The following NFATC1 variants were observed in gnomAD, a reference collection of about 807,000 sequenced individuals.
NFATC1 encodes the protein nuclear factor of activated T cells 1.
In NFATC1, 22 loss-of-function variants were observed where a neutral mutation model predicts 76.0. That is an observed-to-expected ratio of 0.29 (90% CI 0.21 to 0.41). The LOEUF is 0.41. NFATC1 is among the 10% of genes least tolerant of loss of function. The pLI is 1.00. For synonymous variants in NFATC1, 704 were observed against 613.1 expected, an observed-to-expected ratio of 1.15 and a Z score of -2.19; for missense variants, 1,357 against 1,337.7, an observed-to-expected ratio of 1.01 and a Z score of -0.23.
intron 8 of NFATC1, chr18:79,469,753 C>A (rs979048154): frequency 1.0e-6 from 1 of 985,722 alleles, no homozygotes; most frequent in Non-Finnish European, 1.2e-6. Flanking sequence ...CTCTTCTCTC[C>A]TGGACGTAGC....
At position 79,469,663 on chromosome 18, in the gene NFATC1, T is replaced by C. The variant is rs184766132; in HGVS notation, c.2092+2081T>C. 5.3e-4 allele frequency: 520 copies of C among 985,974 alleles called. 1 individual carries two copies. In the African/African-American group the frequency reaches 8.4e-3, roughly 16 times the overall value. 61.1% of individuals were successfully genotyped at this position (985,974 alleles called of 1,614,324 possible). On this transcript the variant is annotated intron_variant, in intron 8 of 9. Coordinates refer to ENST00000427363, the MANE Select transcript of NFATC1 (RefSeq NM_001278669.2). Reference sequence around the variant, plus strand: ...CCTCCACCCCCCATCTGCTCCAGCATGGCTCAACGCAGGCCAGGTTCCCCA... The same window carrying C: ...CCTCCACCCCCCATCTGCTCCAGCACGGCTCAACGCAGGCCAGGTTCCCCA...
intron 3 of NFATC1, among the ~76,000 whole-genome samples, chr18:79,443,717 A>C (rs2144731661): frequency 6.6e-6 from 1 of 152,244 alleles, no homozygotes; most frequent in East Asian, 1.9e-4. Flanking sequence ...CATCTGTGGG[A>C]GGGCAGGTAC....
Position 79,406,993 on chromosome 18 carries a change from G to T in NFATC1, c.128-3410G>T, listed in dbSNP as rs541077414. 6.6e-5 allele frequency among the ~76,000 whole-genome samples: 10 copies of T among 152,350 alleles called. No homozygotes were observed. In the South Asian group the frequency reaches 1.7e-3, roughly 25 times the overall value. ...GTTGTCCAGCGGGTCTGATGCAGCC[G>T]GCTCAGGGGCTTTGCACGGGCCACG... On this transcript the variant is annotated intron_variant, in intron 1 of 9. Transcript: ENST00000427363.
chr18:79,471,881 T>A (rs893969187), intron 8 of NFATC1, among the ~76,000 whole-genome samples: 1 of 152,126 alleles, frequency 6.6e-6, no homozygotes, highest in Non-Finnish European at 1.5e-5. Flanking sequence ...GACTCAAACG[T>A]CACGAAGAAG....
chr18:79,527,542 C>T lies in NFATC1; in HGVS notation c.2797C>T (p.Arg933Ter), dbSNP rs372768753. The T allele has an allele frequency of 1.2e-5, 19 of 1,613,806 alleles. No homozygotes were observed. The highest frequency in any genetic ancestry group is 2.2e-5 in the East Asian group (1 of 44,882). ...TTTTCTTACAGTAAATGAAATAATA[C>T]GAAATGACCTCTCCAGCACGAGCAC... ...LYLDDVNEIIRNDLSSTSTHS is the reference protein window; with the variant it reads ...LYLDDVNEII The change falls in exon 10 of 10, where the codon CGA becomes TGA. Residue 933 changes from arginine to a stop codon, truncating the protein, a stop_gained. Transcript: ENST00000427363. LOFTEE classifies it high-confidence loss of function.
rs73969677 is a variant in NFATC1 at position 79,480,106 on chromosome 18, G to A, written c.2093-6142G>A. ...GCTCATGCTGCCAGCTCCGGGCCAA[G>A]GGACCTGGACTGGCTCTCCAGACTC... is the stretch of plus-strand genomic sequence containing the variant. On this transcript the variant is annotated intron_variant, in intron 8 of 9. Coordinates refer to ENST00000427363, the MANE Select transcript of NFATC1 (RefSeq NM_001278669.2). Among the ~76,000 whole-genome samples, 1,039 of 152,356 alleles carry A rather than the reference G, an allele frequency of 6.8e-3. 14 individuals are homozygous for A. Among genetic ancestry groups the A allele is most frequent in the African/African-American group, 0.023 (940 of 41,586 alleles).
At chr18:79,434,796 C>T (rs887138713) in intron 3 of NFATC1, among the ~76,000 whole-genome samples, 2 of 152,212 alleles carry the variant, frequency 1.3e-5, no homozygotes, top group African/African-American at 4.8e-5. Flanking sequence ...ACGCAGCAGC[C>T]GGCGGCAGGG....
intron 3 of NFATC1, among the ~76,000 whole-genome samples, chr18:79,444,014 A>G (rs2087091753): frequency 6.6e-6 from 1 of 152,126 alleles, no homozygotes. Flanking sequence ...TGGAGGGTTG[A>G]GGGAGTGTTG....
intron 8 of NFATC1, among the ~76,000 whole-genome samples, chr18:79,475,590 G>C (rs1459984359): frequency 6.6e-6 from 1 of 151,394 alleles, no homozygotes; most frequent in Non-Finnish European, 1.5e-5. Context: ...CGAGGGAAGC[G>C]TGTTCTCATG....
At chr18:79,405,921 C>T (rs1274051836) in intron 1 of NFATC1, among the ~76,000 whole-genome samples, 1 of 152,238 alleles carries the variant, frequency 6.6e-6, no homozygotes, top group Admixed American at 6.5e-5. Context: ...CTCTTCCTCA[C>T]TTCCCCTCAC....
At position 79,409,506 on chromosome 18, in the gene NFATC1, C is replaced by T. The variant is rs142405200; in HGVS notation, c.128-897C>T. On this transcript the variant is annotated intron_variant, in intron 1 of 9. Transcript: ENST00000427363. ...CCAATGCATCATTCATCCATCCATC[C>T]GTTTAGCTGTCCATCCATCCATCAT... Among the ~76,000 whole-genome samples, 1,078 of 151,904 alleles carry T rather than the reference C, an allele frequency of 7.1e-3. 4 individuals are homozygous for T. The highest frequency in any genetic ancestry group is 9.8e-3 in the Non-Finnish European group (669 of 67,940).
chr18:79,476,443 A>T (rs1310254388), intron 8 of NFATC1, among the ~76,000 whole-genome samples: 2 of 152,216 alleles, frequency 1.3e-5, no homozygotes, highest in Admixed American at 1.3e-4. Flanking sequence ...CTTTGTCATC[A>T]GCCTAATTGG....
At chr18:79,482,441 G>A (rs111642612) in intron 8 of NFATC1, among the ~76,000 whole-genome samples, 3 of 139,686 alleles carry the variant, frequency 2.1e-5, no homozygotes, top group Non-Finnish European at 1.5e-5. Context: ...CCTGGTCCTG[G>A]GGTGTCATTC....
chr18:79,426,657 G>A (rs963677865), intron 2 of NFATC1, among the ~76,000 whole-genome samples: 4 of 152,224 alleles, frequency 2.6e-5, no homozygotes, highest in East Asian at 1.9e-4. Flanking sequence ...TTGCCGGGGC[G>A]GGAAGCCCGG....
At chr18:79,501,775 T>C (rs1157887494) in intron 9 of NFATC1, among the ~76,000 whole-genome samples, 1 of 152,098 alleles carries the variant, frequency 6.6e-6, no homozygotes, top group Non-Finnish European at 1.5e-5. Context: ...CGATATAGCA[T>C]TAAAAAGAAT....
intron 9 of NFATC1, among the ~76,000 whole-genome samples, chr18:79,500,662 A>G (rs1235767504): frequency 1.3e-5 from 2 of 152,130 alleles, no homozygotes; most frequent in African/African-American, 4.8e-5. Context: ...TTAGGAATGA[A>G]AGAGGGGACA....
In NFATC1 at chr18:79,399,033, C is replaced by CT. The variant is rs1384689238; in HGVS notation, c.127+2683dup. Among the ~76,000 whole-genome samples the CT allele has an allele frequency of 3.3e-5, 5 of 152,382 alleles. No individual in the cohort carries two copies. In the East Asian group the frequency reaches 9.6e-4, roughly 29 times the overall value. ...AGTGAGCAGAGATTGCACCACTGCA[C>CT]TCCAGCCTGGGTGACAGAGCGAGAC... is the stretch of plus-strand genomic sequence containing the variant. On this transcript the variant is annotated intron_variant, in intron 1 of 9. Transcript: ENST00000427363.
chr18:79,427,890 GTC>G (rs1193432727), intron 2 of NFATC1, among the ~76,000 whole-genome samples: 9 of 141,958 alleles, frequency 6.3e-5, no homozygotes, highest in African/African-American at 2.1e-4. Flanking sequence ...TGTGCAGTGA[GTC>G]GGGGAGGGGG....
At position 79,410,437 on chromosome 18, in the gene NFATC1, C is replaced by A; in HGVS notation, c.162C>A (p.Pro54=). The A allele has an allele frequency of 6.2e-7, 1 of 1,611,814 alleles. No individual in the cohort carries two copies. Among genetic ancestry groups the A allele is most frequent in the South Asian group, 1.1e-5 (1 of 90,956 alleles). Residue 54 remains proline (P), a synonymous_variant, in exon 2 of 10, where the codon CCC becomes CCA. Transcript: ENST00000427363. This position sits in a 1 kb window ranked among gnomAD's most constrained non-coding sequence, Gnocchi z 6.7. ...HYGYASSNVS[P]ALPLPTAHST... is the part of the protein sequence containing the mutation. The stretch of plus-strand genomic sequence containing the variant: ...GCTATGCATCCTCCAACGTCAGCCC[C>A]GCCCTGCCGCTCCCCACGGCGCACT...
Sources: allele counts gnomAD v4.1 joint callset (sites outside exome capture counted in the v4.1 genomes callset), GRCh38; gene constraint gnomAD v4.1.1; non-coding constraint Gnocchi (gnomAD v3.1); transcripts MANE v1.5; gene names NCBI Gene and HGNC (gene_info 2026-07-23, HGNC 2026-07-21).